FHIT: variants seen among roughly 807,000 people sequenced by gnomAD.
FHIT encodes fragile histidine triad diadenosine triphosphatase, also known as bis(5'-adenosyl)-triphosphatase.
A neutral mutation model predicts 17.9 loss-of-function variants in FHIT; 19 were observed. The ratio of observed to expected loss-of-function variants is 1.06; its 90% CI spans 0.74 to 1.56. The LOEUF is 1.56. FHIT is among the 40% of genes most tolerant of loss of function. FHIT has a pLI of 0.00. For missense variants in FHIT, 248 were observed against 189.2 expected, an observed-to-expected ratio of 1.31 and a Z score of -1.82; for synonymous variants, 81 against 69.7, an observed-to-expected ratio of 1.16 and a Z score of -0.81.
At chr3:60,240,661 C>T (rs1463633154) in intron 5 of FHIT, among the ~76,000 whole-genome samples, 1 of 152,114 alleles carries the variant, frequency 6.6e-6, no homozygotes, top group East Asian at 1.9e-4. Flanking sequence ...ATGATAAATG[C>T]AGAGGACTTG....
At chr3:60,122,965 G>A (rs539268385) in intron 5 of FHIT, among the ~76,000 whole-genome samples, 2 of 152,176 alleles carry the variant, frequency 1.3e-5, no homozygotes, top group Non-Finnish European at 2.9e-5. Flanking sequence ...CTAGTGCTGA[G>A]CACAGAGCAA....
At chr3:60,297,366 AT>A (rs1292134106) in intron 5 of FHIT, among the ~76,000 whole-genome samples, 3 of 151,858 alleles carry the variant, frequency 2.0e-5, no homozygotes, top group African/African-American at 7.3e-5. Flanking sequence ...TTTTTGATAG[AT>A]TTTCATGTAT....
chr3:60,023,093 G>A (rs1408421285), intron 5 of FHIT, among the ~76,000 whole-genome samples: 1 of 152,172 alleles, frequency 6.6e-6, no homozygotes, highest in African/African-American at 2.4e-5. Flanking sequence ...GCTCTTAGGA[G>A]TTAAGACTTG....
At chr3:60,861,514 C>T (rs1333900198) in intron 3 of FHIT, among the ~76,000 whole-genome samples, 1 of 151,468 alleles carries the variant, frequency 6.6e-6, no homozygotes, top group Non-Finnish European at 1.5e-5. Flanking sequence ...CCTGACATTG[C>T]CAAATGTCAC....
intron 3 of FHIT, among the ~76,000 whole-genome samples, chr3:60,891,709 C>G (rs1458531337): frequency 2.0e-5 from 3 of 152,148 alleles, no homozygotes; most frequent in Non-Finnish European, 4.4e-5. Context: ...AGATGGGCTG[C>G]TGCACAACTA....
intron 3 of FHIT, among the ~76,000 whole-genome samples, chr3:60,984,200 T>C (rs1710617785): frequency 6.6e-6 from 1 of 152,212 alleles, no homozygotes; most frequent in Admixed American, 6.5e-5. Flanking sequence ...TTGATGACAG[T>C]TTTGTGGGTT....
chr3:60,326,096 T>C (rs1214997751), intron 5 of FHIT, among the ~76,000 whole-genome samples: 1 of 152,030 alleles, frequency 6.6e-6, no homozygotes, highest in East Asian at 1.9e-4. Context: ...ACCTTTCTGG[T>C]ACCAGAAACT....
At chr3:60,965,499 T>C (rs781874667) in intron 3 of FHIT, among the ~76,000 whole-genome samples, 7 of 152,242 alleles carry the variant, frequency 4.6e-5, no homozygotes, top group Non-Finnish European at 1.0e-4. Flanking sequence ...GGTTCCTTTG[T>C]AGGAGAAGAG....
chr3:60,302,643 A>G (rs1276634168), intron 5 of FHIT, among the ~76,000 whole-genome samples: 1 of 152,122 alleles, frequency 6.6e-6, no homozygotes, highest in Non-Finnish European at 1.5e-5. Flanking sequence ...GTGACTTCCC[A>G]TTTCAAAGGT....
chr3:60,152,017 A>C (rs1446040434), intron 5 of FHIT, among the ~76,000 whole-genome samples: 1 of 152,208 alleles, frequency 6.6e-6, no homozygotes, highest in Non-Finnish European at 1.5e-5. Context: ...TGGCACCTAT[A>C]AATTGCTCTA....
intron 4 of FHIT, among the ~76,000 whole-genome samples, chr3:60,697,301 A>C (rs1032668348): frequency 1.3e-5 from 2 of 152,138 alleles, no homozygotes; most frequent in Non-Finnish European, 2.9e-5. Flanking sequence ...CAGATCAGGG[A>C]ATTTTCAGAG....
intron 5 of FHIT, among the ~76,000 whole-genome samples, chr3:60,091,513 C>G (rs1023055490): frequency 1.3e-5 from 2 of 152,102 alleles, no homozygotes; most frequent in Admixed American, 6.5e-5. Flanking sequence ...TGGAGCCACT[C>G]TTATAAAGAA....
intron 8 of FHIT, among the ~76,000 whole-genome samples, chr3:59,893,002 ACAGT>A (rs1156833933): frequency 1.3e-5 from 2 of 152,230 alleles, no homozygotes; most frequent in Non-Finnish European, 2.9e-5. Flanking sequence ...ACTCATAGAC[ACAGT>A]CAAAGTTAAC....
intron 5 of FHIT, among the ~76,000 whole-genome samples, chr3:60,140,798 G>C (rs950750229): frequency 2.0e-5 from 3 of 152,006 alleles, no homozygotes; most frequent in East Asian, 3.9e-4. Context: ...GGCTGGTTTC[G>C]AACTCCCAAC....
intron 5 of FHIT, among the ~76,000 whole-genome samples, chr3:60,078,350 T>C (rs1405689536): frequency 1.3e-5 from 2 of 152,134 alleles, no homozygotes; most frequent in Non-Finnish European, 2.9e-5. Context: ...GATATAATAC[T>C]ACCTCTGTAG....
At chr3:59,886,163 G>A (rs1018947448) in intron 8 of FHIT, 1 of 152,160 alleles carries the variant, frequency 6.6e-6, no homozygotes, top group African/African-American at 2.4e-5. Flanking sequence ...CAGAAGCAAG[G>A]ACCTCCACAT....
At chr3:60,219,285 T>A (rs1703848050) in intron 5 of FHIT, among the ~76,000 whole-genome samples, 1 of 152,138 alleles carries the variant, frequency 6.6e-6, no homozygotes, top group South Asian at 2.1e-4. Context: ...GCCACTGGAC[T>A]CTTGGAAAGC....
intron 5 of FHIT, among the ~76,000 whole-genome samples, chr3:60,020,596 T>C (rs1179372158): frequency 6.6e-6 from 1 of 152,210 alleles, no homozygotes; most frequent in Non-Finnish European, 1.5e-5. Context: ...TCATCTCGAC[T>C]GCAGATCTGT....
chr3:60,107,166 T>C (rs1704457949), intron 5 of FHIT, among the ~76,000 whole-genome samples: 1 of 124,804 alleles, frequency 8.0e-6, no homozygotes, highest in South Asian at 2.7e-4. Context: ...TTTTTTTTTT[T>C]TTTTTTGTAC....
Sources: gnomAD v4.1 joint callset for allele counts (sites outside exome capture counted in the v4.1 genomes callset) on GRCh38, gnomAD v4.1.1 for gene constraint, MANE v1.5 for transcripts, NCBI Gene and HGNC (gene_info 2026-07-23, HGNC 2026-07-21) for gene names.